TGFB3: variants seen among roughly 807,000 people sequenced by gnomAD.
TGFB3 encodes the protein transforming growth factor beta-3 proprotein.
A neutral mutation model predicts 40.1 loss-of-function variants in TGFB3; 5 were observed. The ratio of observed to expected loss-of-function variants is 0.12; its 90% CI spans 0.07 to 0.26. The LOEUF (loss-of-function observed/expected upper bound fraction) is 0.26, where lower values mean the gene tolerates loss of function less well. TGFB3 is among the 10% of genes least tolerant of loss of function. TGFB3 has a pLI of 1.00. For synonymous variants in TGFB3, 184 were observed against 205.6 expected, an observed-to-expected ratio of 0.89 and a Z score of 0.90; for missense variants, 373 against 530.1, an observed-to-expected ratio of 0.70 and a Z score of 2.91.
Position 75,980,456 on chromosome 14 carries a change from GGC to G in TGFB3, c.352+84_352+85del. 1 of 1,362,170 alleles carries G rather than the reference GGC, an allele frequency of 7.3e-7. No homozygotes were observed. Among genetic ancestry groups the G allele is most frequent in the Non-Finnish European group, 1.0e-6 (1 of 953,042 alleles). 84.4% of individuals were successfully genotyped at this position (1,362,170 alleles called of 1,614,324 possible). On this transcript the variant is annotated intron_variant, in intron 1 of 6. Transcript: ENST00000238682. The surrounding 1 kb of genome is among the most constrained non-coding windows in gnomAD (Gnocchi z 4.3). ...TGAATCCTGGGGCACCCTGCTGTGTGGCCAGCACTAGGCCCCCCTCTGCAGAG... is the reference window on the plus strand; with the variant it reads ...TGAATCCTGGGGCACCCTGCTGTGTGCAGCACTAGGCCCCCCTCTGCAGAG...
intron 3 of TGFB3, among the ~76,000 whole-genome samples, chr14:75,967,985 G>C (rs760524945): frequency 1.3e-5 from 2 of 152,176 alleles, no homozygotes; most frequent in Non-Finnish European, 2.9e-5. Flanking sequence ...GATGCTGAGA[G>C]GCTCCCTCCC....
Position 75,971,511 on chromosome 14 carries a change from C to A in TGFB3, c.516+44G>T. On this transcript the variant is annotated intron_variant, in intron 2 of 6. Transcript: ENST00000238682. The surrounding 1 kb of genome is among the most constrained non-coding windows in gnomAD (Gnocchi z 4.5). ...TGGTGCCCTGATATGGCAAAGGAAC[C>A]AGCTTTCCCGTCGGTGTGGTTTCTG... 6.2e-7 allele frequency: 1 copy of A among 1,611,642 alleles called. No individual in the cohort carries two copies. The highest frequency in any genetic ancestry group is 8.5e-7 in the Non-Finnish European group (1 of 1,179,142).
intron 5 of TGFB3, among the ~76,000 whole-genome samples, chr14:75,961,361 G>A (rs2035154516): frequency 6.6e-6 from 1 of 152,222 alleles, no homozygotes; most frequent in Non-Finnish European, 1.5e-5. Flanking sequence ...ACAAAGCAGT[G>A]CTATGAAGCG....
In TGFB3 at chr14:75,980,484, C is replaced by G. The variant is rs765845124; in HGVS notation, c.352+58G>C. ...CAGCACTAGGCCCCCCTCTGCAGAG[C>G]TCCCAGCTCCAGTTCAGACCCTCCA... On this transcript the variant is annotated intron_variant, in intron 1 of 6. Coordinates refer to ENST00000238682, the MANE Select transcript of TGFB3 (RefSeq NM_003239.5). The surrounding 1 kb of genome is among the most constrained non-coding windows in gnomAD (Gnocchi z 4.3). 1 of 1,567,114 alleles carries G rather than the reference C, an allele frequency of 6.4e-7. No homozygotes were observed. Among genetic ancestry groups the G allele is most frequent in the Non-Finnish European group, 8.8e-7 (1 of 1,137,602 alleles).
intron 3 of TGFB3, among the ~76,000 whole-genome samples, chr14:75,968,525 C>G (rs1182140775): frequency 1.3e-5 from 2 of 152,194 alleles, no homozygotes; most frequent in African/African-American, 4.8e-5. Flanking sequence ...AATAAGAACT[C>G]CTTCAAGTGC....
chr14:75,976,540 A>G (rs1294018444), intron 1 of TGFB3, among the ~76,000 whole-genome samples: 1 of 152,198 alleles, frequency 6.6e-6, no homozygotes, highest in East Asian at 1.9e-4. Flanking sequence ...GAAGCCCATA[A>G]ACATTTTAAG....
intron 1 of TGFB3, among the ~76,000 whole-genome samples, chr14:75,976,342 T>G (rs2035353825): frequency 1.3e-5 from 2 of 152,120 alleles, no homozygotes; most frequent in Non-Finnish European, 2.9e-5. Flanking sequence ...GATCTCCAGA[T>G]GATTCTAACG....
chr14:75,982,211 C>T (rs980524064), upstream of TGFB3, among the ~76,000 whole-genome samples: 3 of 152,254 alleles, frequency 2.0e-5, no homozygotes, highest in African/African-American at 7.2e-5. This position sits in a 1 kb window ranked among gnomAD's most constrained non-coding sequence, Gnocchi z 4.0. Flanking sequence ...TGGAATCACT[C>T]CTGCCACACG....
chr14:75,979,340 C>T lies in TGFB3; in HGVS notation c.352+1202G>A, dbSNP rs1439480300. Among the ~76,000 whole-genome samples, 1 of 152,122 alleles carries T rather than the reference C, an allele frequency of 6.6e-6. No individual in the cohort carries two copies. Among genetic ancestry groups the T allele is most frequent in the African/African-American group, 2.4e-5 (1 of 41,442 alleles). On this transcript the variant is annotated intron_variant, in intron 1 of 6. Coordinates refer to ENST00000238682, the MANE Select transcript of TGFB3 (RefSeq NM_003239.5). This position sits in a 1 kb window ranked among gnomAD's most constrained non-coding sequence, Gnocchi z 4.8. ...CTTGCTGTGTGCTCTGCTGACCACC[C>T]TCCCCTGCCTGCCAGCTCCATCCCA...
chr14:75,959,059 A>G lies in TGFB3; in HGVS notation c.*128T>C. ...CCAAAAGGAAACCTCCATCTCAGCCATTTGCCCGGAGCCGAAGGTTGTGGG... is the reference window on the plus strand; with the variant it reads ...CCAAAAGGAAACCTCCATCTCAGCCGTTTGCCCGGAGCCGAAGGTTGTGGG... On this transcript the variant is annotated 3_prime_UTR_variant, in exon 7 of 7. Transcript: ENST00000238682. 8.6e-7 allele frequency: 1 copy of G among 1,165,086 alleles called. No homozygotes were observed. Among genetic ancestry groups the G allele is most frequent in the Non-Finnish European group, 1.3e-6 (1 of 780,686 alleles). The allele number at this position is 1,165,086 out of a possible 1,614,324, so 72.2% of individuals were successfully genotyped here.
rs3917145 is a variant in TGFB3, at chr14:75,980,806, A to G, written c.88T>C (p.Leu30=). ...VSLSLSTCTT[L]DFGHIKKKRV... ...TTCTTCTTGATGTGGCCGAAGTCCAAGGTGGTGCAAGTGGACAGAGAGAGG... is the reference window on the plus strand; with the variant it reads ...TTCTTCTTGATGTGGCCGAAGTCCAGGGTGGTGCAAGTGGACAGAGAGAGG... Residue 30 remains leucine, a synonymous_variant, in exon 1 of 7, where the codon TTG becomes CTG. Transcript: ENST00000238682. The surrounding 1 kb of genome is among the most constrained non-coding windows in gnomAD (Gnocchi z 4.3). 1,403 of 1,614,162 alleles carry G rather than the reference A, an allele frequency of 8.7e-4. 33 individuals are homozygous for G. In the East Asian group the frequency reaches 0.031, roughly 36 times the overall value.
chr14:75,961,343 A>G (rs1216367813), intron 5 of TGFB3, among the ~76,000 whole-genome samples: 2 of 152,250 alleles, frequency 1.3e-5, no homozygotes, highest in African/African-American at 2.4e-5. Flanking sequence ...ACCCTTTTCT[A>G]TCACAATACA....
Position 75,978,817 on chromosome 14 carries a change from G to A in TGFB3, c.352+1725C>T, listed in dbSNP as rs983397294. Among the ~76,000 whole-genome samples, 1 of 152,094 alleles carries A rather than the reference G, an allele frequency of 6.6e-6. No individual in the cohort carries two copies. Among genetic ancestry groups the A allele is most frequent in the Non-Finnish European group, 1.5e-5 (1 of 68,010 alleles). Reference sequence around the variant, plus strand: ...CATTCTCAGCTCAGGATTCCGGGATGGGGGGGTCCTGGTGACTCAGAATGC... The same window carrying A: ...CATTCTCAGCTCAGGATTCCGGGATAGGGGGGTCCTGGTGACTCAGAATGC... On this transcript the variant is annotated intron_variant, in intron 1 of 6. Coordinates refer to ENST00000238682, the MANE Select transcript of TGFB3 (RefSeq NM_003239.5). The surrounding 1 kb of genome is among the most constrained non-coding windows in gnomAD (Gnocchi z 5.0).
At chr14:75,962,489 C>T (rs1047523329) in intron 5 of TGFB3, among the ~76,000 whole-genome samples, 3 of 152,160 alleles carry the variant, frequency 2.0e-5, no homozygotes, top group Non-Finnish European at 4.4e-5. Context: ...AGCTTCATTT[C>T]GGCATCCTCT....
Position 75,981,082 on chromosome 14 carries a change from T to C in TGFB3, c.-189A>G. 1 of 638,396 alleles carries C rather than the reference T, an allele frequency of 1.6e-6. No homozygotes were observed. The highest frequency in any genetic ancestry group is 1.8e-5 in the South Asian group (1 of 56,110). The allele number at this position is 638,396 out of a possible 1,614,324, so 39.5% of individuals were successfully genotyped here. On this transcript the variant is annotated 5_prime_UTR_variant, in exon 1 of 7. Transcript: ENST00000238682. The surrounding 1 kb of genome is among the most constrained non-coding windows in gnomAD (Gnocchi z 4.7). ...GACTTCCAGGAAGCGCTGGCAACCC[T>C]GAGGACGAAGAAGCGGACTGTGTGC...
intron 1 of TGFB3, among the ~76,000 whole-genome samples, chr14:75,973,035 G>A (rs981162079): frequency 4.6e-5 from 7 of 152,172 alleles, no homozygotes; most frequent in African/African-American, 1.7e-4. Flanking sequence ...ACCCCTCTGA[G>A]CCAGAGAAAG....
rs952899563 is a variant in TGFB3 at position 75,971,336 on chromosome 14, G to A, written c.517-81C>T. 2.5e-6 allele frequency: 4 copies of A among 1,604,512 alleles called. No homozygotes were observed. Among genetic ancestry groups the A allele is most frequent in the South Asian group, 1.1e-5 (1 of 89,818 alleles). On this transcript the variant is annotated intron_variant, in intron 2 of 6. Coordinates refer to ENST00000238682, the MANE Select transcript of TGFB3 (RefSeq NM_003239.5). The surrounding 1 kb of genome is among the most constrained non-coding windows in gnomAD (Gnocchi z 4.5). ...ATGTCACAATGCAGAGCACAGGTGA[G>A]GGAGCGATAGGAAACCAGTGGTTCC...
In TGFB3 at chr14:75,978,019, C is replaced by T. The variant is rs1195775066; in HGVS notation, c.352+2523G>A. 6.6e-6 allele frequency among the ~76,000 whole-genome samples: 1 copy of T among 152,140 alleles called. No individual in the cohort carries two copies. Among genetic ancestry groups the T allele is most frequent in the Admixed American group, 6.5e-5 (1 of 15,280 alleles). The stretch of plus-strand genomic sequence containing the variant: ...TTAGGAAAAGGCCTTCCTCTCTGCT[C>T]TCACCTTGGTGCCCTTTCTCCTGCA... On this transcript the variant is annotated intron_variant, in intron 1 of 6. Transcript: ENST00000238682. The surrounding 1 kb of genome is among the most constrained non-coding windows in gnomAD (Gnocchi z 5.0).
chr14:75,967,418 C>T (rs1595341472), intron 3 of TGFB3, among the ~76,000 whole-genome samples: 1 of 152,200 alleles, frequency 6.6e-6, no homozygotes, highest in South Asian at 2.1e-4. Flanking sequence ...GGATTGCCCT[C>T]TCCCTGGGTT....
Sources: gnomAD v4.1 joint callset for allele counts (sites outside exome capture counted in the v4.1 genomes callset) on GRCh38, gnomAD v4.1.1 for gene constraint, Gnocchi (gnomAD v3.1) non-coding constraint, MANE v1.5 for transcripts, NCBI Gene and HGNC (gene_info 2026-07-23, HGNC 2026-07-21) for gene names.